Variants in SLC49A3 observed in about 807,000 individuals in gnomAD.
SLC49A3 encodes solute carrier family 49 member 3.
In SLC49A3, 50 loss-of-function variants were observed where a neutral mutation model predicts 43.8. The ratio of observed to expected loss-of-function variants is 1.14; its 90% CI spans 0.91 to 1.45. The LOEUF is 1.45. Ranked by LOEUF, SLC49A3 falls within the 40% of genes most tolerant of loss-of-function variation. The probability of loss-of-function intolerance (pLI) is 0.00; values close to 1 mark genes in which losing one functional copy is unlikely to be tolerated. For missense variants in SLC49A3, 906 were observed against 774.1 expected, an observed-to-expected ratio of 1.17 and a Z score of -2.02; for synonymous variants, 413 against 352.0, an observed-to-expected ratio of 1.17 and a Z score of -1.94.
intron 6 of SLC49A3, 47 bp from the exon 7 acceptor site, chr4:683,808 C>T: frequency 6.5e-7 from 1 of 1,529,054 alleles, no homozygotes; most frequent in Non-Finnish European, 8.8e-7. Flanking sequence ...CCACCATTAT[C>T]CTAGGTGCAT....
downstream of SLC49A3, chr4:680,443 A>G (rs1005820388): frequency 5.0e-5 from 76 of 1,525,996 alleles, 1 homozygote; most frequent in South Asian, 3.9e-4. Flanking sequence ...CCCTCCTGCC[A>G]TCTGCCCTTG....
chr4:677,456 C>A (rs866080533), downstream of SLC49A3, among the ~76,000 whole-genome samples: 6 of 152,338 alleles, frequency 3.9e-5, no homozygotes, highest in Middle Eastern at 0.014. Context: ...AATGTCATCA[C>A]CCATGGGCCA....
chr4:689,853 G>C (rs1166105256), upstream of SLC49A3, among the ~76,000 whole-genome samples: 2 of 152,216 alleles, frequency 1.3e-5, no homozygotes, highest in African/African-American at 2.4e-5. Context: ...AGGGAGTTTC[G>C]GCTTAGTCTT....
chr4:684,876 C>T lies in SLC49A3; in HGVS notation c.586-20G>A, dbSNP rs763037669. The T allele has an allele frequency of 3.7e-6, 6 of 1,606,716 alleles. No homozygotes were observed. The South Asian group carries it at 5.5e-5, about 15-fold the overall frequency. Reference sequence around the variant, plus strand: ...ACCGAGCTGGGGAGGGGTGTGTGTGCACAAGGAGACCACGCAGACTGGCAC... The same window carrying T: ...ACCGAGCTGGGGAGGGGTGTGTGTGTACAAGGAGACCACGCAGACTGGCAC... On this transcript the variant is annotated intron_variant, in intron 4 of 9. Coordinates refer to ENST00000322224, the MANE Select transcript of SLC49A3 (RefSeq NM_032219.4).
At chr4:681,089 C>G (rs951070795), downstream of SLC49A3, 6 of 1,600,726 alleles carry the variant, frequency 3.7e-6, no homozygotes, top group Non-Finnish European at 5.1e-6. Flanking sequence ...TCCTCGTCCT[C>G]AGCATCAAGC....
At chr4:681,245 G>A (rs557968992), downstream of SLC49A3, 5 of 1,385,176 alleles carry the variant, frequency 3.6e-6, no homozygotes, top group Non-Finnish European at 4.9e-6. Flanking sequence ...GCCGCGGTTA[G>A]GACCCAGGAC....
rs977780896 is a variant in SLC49A3, at chr4:686,220, A to G, written c.377T>C (p.Phe126Ser). The G allele has an allele frequency of 6.2e-7, 1 of 1,613,584 alleles. No homozygotes were observed. Among genetic ancestry groups the G allele is most frequent in the Admixed American group, 1.7e-5 (1 of 60,034 alleles). ...GCTCTGGCCACCCATGAGGAAGGCA[A>G]ATGGGTTTTGGGTCCCAACAACCAT... The part of the protein sequence containing the change: ...PCMVVGTQNP[F>S]AFLMGGQSLC... The change falls in exon 3 of 10, where the codon TTT (phenylalanine) becomes TCT (serine). Residue 126 changes from phenylalanine (F) to serine (S), a missense_variant. Transcript: ENST00000322224.
At chr4:687,642 C>G (rs577312072) in intron 1 of SLC49A3, among the ~76,000 whole-genome samples, 50 of 152,230 alleles carry the variant, frequency 3.3e-4, no homozygotes, top group Non-Finnish European at 6.0e-4. Context: ...AGAAGAGATG[C>G]GTCTGAAGCG....
chr4:681,285 G>A (rs1482715845), downstream of SLC49A3: 34 of 937,272 alleles, frequency 3.6e-5, no homozygotes, highest in Non-Finnish European at 5.4e-5. Context: ...CTCCCGAAGT[G>A]CCCGTCTGAG....
intron 7 of SLC49A3, 63 bp downstream of exon 7, chr4:683,546 C>T (rs767731368): frequency 1.5e-5 from 24 of 1,549,980 alleles, no homozygotes; most frequent in Non-Finnish European, 2.0e-5. Context: ...CGCCAACCGC[C>T]CTCTCCGGGC....
downstream of SLC49A3, among the ~76,000 whole-genome samples, chr4:677,372 G>A (rs960649105): frequency 6.6e-6 from 1 of 152,214 alleles, no homozygotes; most frequent in African/African-American, 2.4e-5. Context: ...GGGAAGACCA[G>A]GCTCAGGGCC....
At chr4:686,440 G>C in intron 2 of SLC49A3, 92 bp downstream of exon 2, 2 of 1,563,590 alleles carry the variant, frequency 1.3e-6, no homozygotes, top group Non-Finnish European at 1.7e-6. Context: ...GGGACTGGTG[G>C]GCCCCGGTCT....
At chr4:679,008 C>T (rs1434710628), downstream of SLC49A3, 3 of 1,613,770 alleles carry the variant, frequency 1.9e-6, no homozygotes, top group Admixed American at 1.7e-5. Flanking sequence ...ACAAGGAGGA[C>T]CTGAAGGACA....
chr4:685,911 G>T lies in SLC49A3; in HGVS notation c.509C>A (p.Ser170Ter), dbSNP rs146898876. The change falls in exon 4 of 10, where the codon TCG (serine) becomes TAG (stop). Residue 170 changes from serine (S) to a stop codon, truncating the protein, a stop_gained and splice_region_variant. Coordinates refer to ENST00000322224, the MANE Select transcript of SLC49A3 (RefSeq NM_032219.4). LOFTEE classifies it high-confidence loss of function. The surrounding 1 kb of genome is among the most constrained non-coding windows in gnomAD (Gnocchi z 4.3). ...RATANMLATM[S>*]NPLGVLVANV... ...GGCCACAAGGACGCCCAGAGGGTTC[G>T]CTGGGTGGGCGGATGCACAAAGTGT... 1.9e-6 allele frequency: 3 copies of T among 1,613,790 alleles called. No individual in the cohort carries two copies. Among genetic ancestry groups the T allele is most frequent in the Non-Finnish European group, 2.5e-6 (3 of 1,180,008 alleles).
In SLC49A3 at chr4:684,557, C is replaced by A. The variant is rs775241179; in HGVS notation, c.766G>T (p.Gly256Trp). The change falls in exon 6 of 10, where the codon GGG becomes TGG. Residue 256 changes from glycine (G) to tryptophan (W), a missense_variant. Coordinates refer to ENST00000322224, the MANE Select transcript of SLC49A3 (RefSeq NM_032219.4). ...CTGGCAGAGATCCCGATCATTCCCC[C>A]CAAGCACACAGCCAGGATGACATAG... ...KAYVILAVCL[G>W]GMIGISASFS... 19 of 1,613,262 alleles carry A rather than the reference C, an allele frequency of 1.2e-5. No individual in the cohort carries two copies. Among genetic ancestry groups the A allele is most frequent in the African/African-American group, 5.3e-5 (4 of 75,026 alleles).
Position 682,869 on chromosome 4 carries a change from G to A in SLC49A3, c.1173C>T (p.Ile391=), listed in dbSNP as rs902409572. ...CAGTCAGTGCCGTCATTGCCAGCATGATGAGTATTCCCTCGGCCTGCCTGG... is the reference window on the plus strand; with the variant it reads ...CAGTCAGTGCCGTCATTGCCAGCATAATGAGTATTCCCTCGGCCTGCCTGG... The part of the protein sequence containing the change: ...FVLGQAEGIL[I]MLAMTALTVR... Residue 391 remains isoleucine (I), a synonymous_variant, in exon 9 of 10, where the codon ATC becomes ATT. Transcript: ENST00000322224. The A allele has an allele frequency of 6.2e-7, 1 of 1,601,100 alleles. No individual in the cohort carries two copies. Among genetic ancestry groups the A allele is most frequent in the Non-Finnish European group, 8.5e-7 (1 of 1,172,016 alleles).
At chr4:678,911 G>C (rs1280241389), downstream of SLC49A3, 2 of 1,608,750 alleles carry the variant, frequency 1.2e-6, no homozygotes, top group Non-Finnish European at 1.7e-6. Flanking sequence ...GGGCGGGGCA[G>C]AGCCCAGCCG....
At chr4:687,251 C>T (rs1038585425) in intron 1 of SLC49A3, 1 of 152,712 alleles carries the variant, frequency 6.5e-6, no homozygotes, top group African/African-American at 2.4e-5. Flanking sequence ...GAGACTGGCT[C>T]ATCCCTGAGG....
At position 685,845 on chromosome 4, in the gene SLC49A3, A is replaced by C; in HGVS notation, c.575T>G (p.Ile192Ser). The change falls in exon 4 of 10, where the codon ATT becomes AGT. Residue 192 changes from isoleucine (I) to serine (S), a missense_variant. Physicochemically the swap from Ile to Ser is moderately radical, Grantham distance 142. Coordinates refer to ENST00000322224, the MANE Select transcript of SLC49A3 (RefSeq NM_032219.4). The surrounding 1 kb of genome is among the most constrained non-coding windows in gnomAD (Gnocchi z 4.3). ...CTCATGACCCCTCACCATTAACGGAATGTCCTCACCCTTCTTGACCAGCAC... is the reference window on the plus strand; with the variant it reads ...CTCATGACCCCTCACCATTAACGGACTGTCCTCACCCTTCTTGACCAGCAC... ...SPVLVKKGED[I>S]PLMLGVYTIP... 2.5e-6 allele frequency: 4 copies of C among 1,613,952 alleles called. No homozygotes were observed. Among genetic ancestry groups the C allele is most frequent in the Non-Finnish European group, 3.4e-6 (4 of 1,179,982 alleles).
Sources: allele counts gnomAD v4.1 joint callset (sites outside exome capture counted in the v4.1 genomes callset), GRCh38; gene constraint gnomAD v4.1.1; non-coding constraint Gnocchi (gnomAD v3.1); transcripts MANE v1.5; gene names NCBI Gene and HGNC (gene_info 2026-07-23, HGNC 2026-07-21).